The following CCDC62 variants were observed in gnomAD, a reference collection of about 807,000 sequenced individuals.
CCDC62 encodes coiled-coil domain containing 62.
CCDC62 carries 72 observed loss-of-function variants against 80.8 expected under a neutral mutation model. The observed-to-expected ratio is 0.89, with a 90% CI of 0.74 to 1.08. CCDC62 has a LOEUF of 1.08. Among genes scored for constraint, CCDC62 ranks in the 50% least tolerant of loss-of-function variants. The pLI is 0.00. For missense variants in CCDC62, 704 were observed against 809.4 expected (o/e 0.87, Z 1.58); for synonymous variants, 286 against 296.5 (o/e 0.96, Z 0.36).
Position 122,794,534 on chromosome 12 carries a change from C to T in CCDC62, c.772+2413C>T, listed in dbSNP as rs180794824. Among the ~76,000 whole-genome samples the T allele has an allele frequency of 1.2e-3, 188 of 152,308 alleles. 1 individual carries two copies. Among genetic ancestry groups the T allele is most frequent in the African/African-American group, 4.2e-3 (174 of 41,560 alleles). ...ATTGATTCCTTAAACATCTTCTTAACTAAAGACAATCTCACACCATTGTCT... is the reference window on the plus strand; with the variant it reads ...ATTGATTCCTTAAACATCTTCTTAATTAAAGACAATCTCACACCATTGTCT... On this transcript the variant is annotated intron_variant, in intron 6 of 12. Coordinates refer to ENST00000253079, the MANE Select transcript of CCDC62 (RefSeq NM_201435.5).
chr12:122,812,884 T>C (rs182282195), intron 10 of CCDC62, among the ~76,000 whole-genome samples: 1 of 152,076 alleles, frequency 6.6e-6, no homozygotes, highest in African/African-American at 2.4e-5. Flanking sequence ...CTTTGCTTTG[T>C]AACACCTAAA....
intron 9 of CCDC62, among the ~76,000 whole-genome samples, chr12:122,802,751 G>A (rs2135562739): frequency 6.6e-6 from 1 of 152,016 alleles, no homozygotes. Context: ...AAGTTAGCTG[G>A]GCATGGTGGT....
chr12:122,797,487 A>G (rs1211216046), intron 7 of CCDC62, 92 bp downstream of exon 7: 2 of 700,486 alleles, frequency 2.9e-6, no homozygotes, highest in African/African-American at 3.6e-5. Flanking sequence ...ATTTTGTTTA[A>G]TTGGTGATTT....
Position 122,823,468 on chromosome 12 carries a change from C to T in CCDC62, c.*40+9C>T, listed in dbSNP as rs757038211. ...ATTCATCGTGATCACGAGTAAGTCA[C>T]CTTTGCTTATCTCACCTTATATCTC... On this transcript the variant is annotated intron_variant, in intron 12 of 12. Transcript: ENST00000253079. 3.0e-6 allele frequency: 4 copies of T among 1,318,618 alleles called. No homozygotes were observed. Among genetic ancestry groups the T allele is most frequent in the African/African-American group, 2.9e-5 (2 of 68,764 alleles). The allele number at this position is 1,318,618 out of a possible 1,614,324, so 81.7% of individuals were successfully genotyped here.
intron 9 of CCDC62, among the ~76,000 whole-genome samples, chr12:122,803,209 C>A (rs980908602): frequency 6.6e-6 from 1 of 152,102 alleles, no homozygotes; most frequent in Non-Finnish European, 1.5e-5. Context: ...TTTACATATC[C>A]GACCGTGCCT....
At chr12:122,797,995 TTGTGAACTGTTTCAGGGAAAG>T in intron 7 of CCDC62, 69 bp from the exon 8 acceptor site, 1 of 665,758 alleles carries the variant, frequency 1.5e-6, no homozygotes, top group South Asian at 1.8e-5. Flanking sequence ...GTTTTAGGAT[TTGTGAACTGTTTCAGGGAAAG>T]TGCCAAATTG....
chr12:122,808,909 A>C (rs1360800480), intron 10 of CCDC62, among the ~76,000 whole-genome samples: 1 of 152,222 alleles, frequency 6.6e-6, no homozygotes, highest in Non-Finnish European at 1.5e-5. Flanking sequence ...TCCAGATTCC[A>C]GTCAATACTT....
At position 122,812,812 on chromosome 12, in the gene CCDC62, AAAGAAAGAAAGAAAG is replaced by A. The variant is rs1316302784; in HGVS notation, c.1852-455_1852-441del. 1.0e-3 allele frequency among the ~76,000 whole-genome samples: 157 copies of A among 150,734 alleles called. 2 individuals are homozygous for A. The highest frequency in any genetic ancestry group is 7.6e-3 in the Admixed American group (114 of 15,046). ...GAAAGAAAGAAAGAAAGAAAGAAAG[AAAGAAAGAAAGAAAG>A]AAAAGGAATGAATTTAGTTATTCTT... On this transcript the variant is annotated intron_variant, in intron 10 of 12. Coordinates refer to ENST00000253079, the MANE Select transcript of CCDC62 (RefSeq NM_201435.5).
At chr12:122,826,297 T>A in intron 12 of CCDC62, 125 bp from the exon 13 acceptor site, 1 of 412,302 alleles carries the variant, frequency 2.4e-6, no homozygotes, top group Non-Finnish European at 4.6e-6. Flanking sequence ...GTATTTTGCA[T>A]GTCCTGATGT....
intron 1 of CCDC62, chr12:122,776,701 A>G (rs1386547235): frequency 6.6e-6 from 1 of 152,256 alleles, no homozygotes; most frequent in African/African-American, 2.4e-5. Flanking sequence ...GTTGTCATGC[A>G]TATTGAACAC....
chr12:122,791,136 T>TTTTA lies in CCDC62; in HGVS notation c.671-868_671-865dup, dbSNP rs530074957. Among the ~76,000 whole-genome samples, 369 of 152,008 alleles carry TTTTA rather than the reference T, an allele frequency of 2.4e-3. 1 individual carries two copies. The highest frequency in any genetic ancestry group is 8.3e-3 in the African/African-American group (344 of 41,428). On this transcript the variant is annotated intron_variant, in intron 5 of 12. Transcript: ENST00000253079. ...GACACGAGCAGATTTTTATTTTTAG[T>TTTTA]TTTATTTATTTATTTATTTTTGAGA...
At chr12:122,801,055 G>C in intron 8 of CCDC62, 69 bp from the exon 9 acceptor site, 1 of 1,488,056 alleles carries the variant, frequency 6.7e-7, no homozygotes, top group Non-Finnish European at 9.0e-7. Context: ...TGAGTTTTGG[G>C]TGAAATGTTT....
chr12:122,797,473 G>A (rs956734069), intron 7 of CCDC62, 78 bp downstream of exon 7: 11 of 761,150 alleles, frequency 1.4e-5, no homozygotes, highest in African/African-American at 7.0e-5. Flanking sequence ...ATGTATGCCC[G>A]TCGATTTTGT....
At chr12:122,806,847 A>T (rs1325753456) in intron 10 of CCDC62, among the ~76,000 whole-genome samples, 1 of 139,916 alleles carries the variant, frequency 7.1e-6, no homozygotes, top group Non-Finnish European at 1.5e-5. Flanking sequence ...TGTTGGTTGT[A>T]AAAAAAAAAA....
chr12:122,812,739 A>C (rs71444563), intron 10 of CCDC62, among the ~76,000 whole-genome samples: 1 of 105,826 alleles, frequency 9.4e-6, no homozygotes, highest in African/African-American at 3.3e-5. Context: ...AAAAAAAAGA[A>C]AGAGAGAGAG....
intron 3 of CCDC62, among the ~76,000 whole-genome samples, chr12:122,785,177 T>C (rs2030137343): frequency 6.6e-6 from 1 of 152,166 alleles, no homozygotes; most frequent in African/African-American, 2.4e-5. Context: ...TTTTCTCAAC[T>C]AGTAAATAGA....
At chr12:122,797,268 A>T (rs749592452) in intron 6 of CCDC62, 39 bp from the exon 7 acceptor site, 2 of 958,264 alleles carry the variant, frequency 2.1e-6, no homozygotes, top group Non-Finnish European at 3.4e-6. Flanking sequence ...GTGTGGCTAT[A>T]GCTGATGAAA....
intron 11 of CCDC62, among the ~76,000 whole-genome samples, chr12:122,818,384 C>T (rs530299568): frequency 2.0e-5 from 3 of 146,594 alleles, no homozygotes; most frequent in South Asian, 2.1e-4. Context: ...ACCCATGAGG[C>T]GGAGCTTGCA....
At chr12:122,790,679 G>A (rs1261553917) in intron 5 of CCDC62, among the ~76,000 whole-genome samples, 1 of 152,040 alleles carries the variant, frequency 6.6e-6, no homozygotes, top group Non-Finnish European at 1.5e-5. Context: ...AAAAGAAGAG[G>A]AATTTTTATA....
Sources: gnomAD v4.1 joint callset for allele counts (sites outside exome capture counted in the v4.1 genomes callset) on GRCh38, gnomAD v4.1.1 for gene constraint, MANE v1.5 for transcripts, NCBI Gene and HGNC (gene_info 2026-07-23, HGNC 2026-07-21) for gene names.